Variants in LOXL3 observed in about 807,000 individuals in gnomAD.
The protein encoded by LOXL3 is lysyl oxidase like 3, also known as lysyl oxidase homolog 3.
A neutral mutation model predicts 91.8 loss-of-function variants in LOXL3; 60 were observed. The ratio of observed to expected loss-of-function variants is 0.65; its 90% CI spans 0.53 to 0.81. The LOEUF is 0.81. LOXL3 is among the 30% of genes least tolerant of loss of function. The probability of loss-of-function intolerance (pLI) is 0.00; values close to 1 mark genes in which losing one functional copy is unlikely to be tolerated. For missense variants in LOXL3, 874 were observed against 1,000.4 expected (o/e 0.87, Z 1.70); for synonymous variants, 355 against 387.6 (o/e 0.92, Z 0.99).
rs1374857532 is a variant in LOXL3 at position 74,533,052 on chromosome 2, G to A, written c.*554C>T. 6.6e-7 allele frequency: 1 copy of A among 1,519,922 alleles called. No homozygotes were observed. The highest frequency in any genetic ancestry group is 1.4e-5 in the African/African-American group (1 of 72,974). 94.2% of individuals were successfully genotyped at this position (1,519,922 alleles called of 1,614,324 possible). ...CTTGCCTTTCTGGCTGAGGTTCTGA[G>A]GGCACCGAGACAGAGGGTTAAATGA... On this transcript the variant is annotated 3_prime_UTR_variant, in exon 14 of 14. Transcript: ENST00000264094.
Position 74,536,584 on chromosome 2 carries a change from C to T in LOXL3, c.913-113G>A, listed in dbSNP as rs1401554308. ...TGGAAGGGAGTGGGTGGTATCAGGTCTGTGGCCCACCCCCTGGAAGGCTCC... is the reference window on the plus strand; with the variant it reads ...TGGAAGGGAGTGGGTGGTATCAGGTTTGTGGCCCACCCCCTGGAAGGCTCC... On this transcript the variant is annotated intron_variant, in intron 5 of 13. Transcript: ENST00000264094. The surrounding 1 kb of genome is among the most constrained non-coding windows in gnomAD (Gnocchi z 4.5). 4 of 1,438,338 alleles carry T rather than the reference C, an allele frequency of 2.8e-6. No homozygotes were observed. The East Asian group carries it at 9.3e-5, about 34-fold the overall frequency. 89.1% of individuals were successfully genotyped at this position (1,438,338 alleles called of 1,614,324 possible).
chr2:74,555,102 C>A, upstream of LOXL3: 1 of 1,559,958 alleles, frequency 6.4e-7, no homozygotes, highest in Non-Finnish European at 8.7e-7. The surrounding 1 kb of genome is among the most constrained non-coding windows in gnomAD (Gnocchi z 6.1). Context: ...CGTCGGGACC[C>A]GGGCCGCCTG....
Position 74,550,520 on chromosome 2 carries a change from G to A in LOXL3, c.314-172C>T, listed in dbSNP as rs537647190. ...AGGGGACCCTGGCAGGGAATAGGAA[G>A]GGGGCATAAGATTGAGGGAAAATTG... On this transcript the variant is annotated intron_variant, in intron 2 of 13. Transcript: ENST00000264094. 3.9e-5 allele frequency among the ~76,000 whole-genome samples: 6 copies of A among 152,246 alleles called. No individual in the cohort carries two copies. In the South Asian group the frequency reaches 1.0e-3, roughly 26 times the overall value.
At chr2:74,554,404 C>A (rs1052365160), upstream of LOXL3, 1 of 295,768 alleles carries the variant, frequency 3.4e-6, no homozygotes, top group Non-Finnish European at 6.3e-6. This position sits in a 1 kb window ranked among gnomAD's most constrained non-coding sequence, Gnocchi z 4.9. Flanking sequence ...GCCCGGGGCG[C>A]TTTCGGGGTG....
chr2:74,554,766 A>T, upstream of LOXL3: 1 of 1,612,968 alleles, frequency 6.2e-7, no homozygotes, highest in Non-Finnish European at 8.5e-7. This position sits in a 1 kb window ranked among gnomAD's most constrained non-coding sequence, Gnocchi z 4.9. Flanking sequence ...TGGACGGAGC[A>T]GTGATGGAAG....
chr2:74,555,356 C>T (rs759396415), upstream of LOXL3: 3 of 1,613,814 alleles, frequency 1.9e-6, no homozygotes, highest in Non-Finnish European at 2.5e-6. This position sits in a 1 kb window ranked among gnomAD's most constrained non-coding sequence, Gnocchi z 6.1. Flanking sequence ...GGCGCCACTG[C>T]CTTCCGCCTG....
rs772009677 is a variant in LOXL3, at chr2:74,535,718, C to T, written c.1286G>A (p.Arg429Gln). ...AGGTCCCCCTATTTGCACCTCGACTCGCCCCTCATGTTGGCTGCGGCCCCC... is the reference window on the plus strand; with the variant it reads ...AGGTCCCCCTATTTGCACCTCGACTTGCCCCTCATGTTGGCTGCGGCCCCC... ...LSGGRSQHEGRVEVQIGGPGP... is the reference protein window; with the variant it reads ...LSGGRSQHEGQVEVQIGGPGP... Residue 429 changes from arginine (R) to glutamine (Q), a missense_variant, in exon 8 of 14, where the codon CGA becomes CAA. Coordinates refer to ENST00000264094, the MANE Select transcript of LOXL3 (RefSeq NM_032603.5). This position sits in a 1 kb window ranked among gnomAD's most constrained non-coding sequence, Gnocchi z 4.2. 5 of 1,597,166 alleles carry T rather than the reference C, an allele frequency of 3.1e-6. No individual in the cohort carries two copies. The highest frequency in any genetic ancestry group is 4.3e-6 in the Non-Finnish European group (5 of 1,174,268).
chr2:74,552,560 C>T lies in LOXL3; in HGVS notation c.75G>A (p.Gly25=), dbSNP rs148653697. ...CAGGGCCCGTGGAAGGGGACGGAGA[C>T]CCCAAGCACGAACTGCACAGCAGGC... ...LLCLLCSSCL[G]SPSPSTGPEK... Residue 25 remains glycine (G), a synonymous_variant, in exon 2 of 14, where the codon GGG becomes GGA. Transcript: ENST00000264094. 33 of 1,611,222 alleles carry T rather than the reference C, an allele frequency of 2.0e-5. No individual in the cohort carries two copies. In the African/African-American group the frequency reaches 3.7e-4, roughly 18 times the overall value.
chr2:74,552,405 T>C lies in LOXL3; in HGVS notation c.230A>G (p.Gln77Arg). 1 of 1,613,646 alleles carries C rather than the reference T, an allele frequency of 6.2e-7. No homozygotes were observed. Among genetic ancestry groups the C allele is most frequent in the Non-Finnish European group, 8.5e-7 (1 of 1,179,632 alleles). The stretch of plus-strand genomic sequence containing the variant: ...CTCCCGGCAGAGGATGTGGGCAGCC[T>C]GCAGCGTGAAGTCATCATCGCAGAT... ...GTICDDDFTL[Q>R]AAHILCRELG... The change falls in exon 2 of 14, where the codon CAG becomes CGG. Residue 77 changes from glutamine (Q) to arginine (R), a missense_variant. Physicochemically the swap from Gln to Arg is conservative, Grantham distance 43. Transcript: ENST00000264094.
rs888776010 is a variant in LOXL3 at position 74,532,420 on chromosome 2, C to T, written c.*1186G>A. 5 of 619,854 alleles carry T rather than the reference C, an allele frequency of 8.1e-6. No homozygotes were observed. The highest frequency in any genetic ancestry group is 8.9e-6 in the Non-Finnish European group (3 of 337,148). The allele number at this position is 619,854 out of a possible 1,614,324, so 38.4% of individuals were successfully genotyped here. On this transcript the variant is annotated 3_prime_UTR_variant, in exon 14 of 14. Transcript: ENST00000264094. ...TTTAACACTGTTTGTCATTTGGTGC[C>T]CTCATGTGGTGTACATCTTTTATGT...
At chr2:74,544,032 G>A (rs946623579) in intron 4 of LOXL3, among the ~76,000 whole-genome samples, 3 of 151,830 alleles carry the variant, frequency 2.0e-5, no homozygotes, top group South Asian at 2.1e-4. Flanking sequence ...GGCCGGGCAC[G>A]GTGGCTCAAG....
intron 1 of LOXL3, among the ~76,000 whole-genome samples, chr2:74,553,280 C>T (rs149557353): frequency 0.014 from 2,062 of 152,254 alleles, 27 homozygotes; most frequent in Non-Finnish European, 0.022. Flanking sequence ...AGAGTCCTAA[C>T]CCAGCAGATT....
At chr2:74,533,770 CTG>C (rs1675803122) in intron 13 of LOXL3, 91 bp from the exon 14 acceptor site, 2 of 1,444,032 alleles carry the variant, frequency 1.4e-6, no homozygotes, top group African/African-American at 2.8e-5. Flanking sequence ...AGTGGAGGGA[CTG>C]AGAGCTCTAC....
intron 4 of LOXL3, among the ~76,000 whole-genome samples, chr2:74,538,184 A>C (rs1308001710): frequency 6.6e-6 from 1 of 152,192 alleles, no homozygotes; most frequent in Non-Finnish European, 1.5e-5. Context: ...AAATACATCT[A>C]TCTTCTAAAC....
Position 74,536,890 on chromosome 2 carries a change from T to G in LOXL3, c.731A>C (p.His244Pro). The G allele has an allele frequency of 1.9e-6, 3 of 1,614,190 alleles. No homozygotes were observed. Among genetic ancestry groups the G allele is most frequent in the Non-Finnish European group, 2.5e-6 (3 of 1,180,042 alleles). ...AQRQQHSFGL[H>P]GVACVGTEAH... ...CTCCGTGCCCACGCACGCCACCCCA[T>G]GCAGACCAAAGGAGTGTTGCTGCCG... is the stretch of plus-strand genomic sequence containing the variant. Residue 244 changes from histidine to proline, a missense_variant, in exon 5 of 14, where the codon CAT becomes CCT. His to Pro is a moderately conservative substitution (Grantham distance 77). Transcript: ENST00000264094. The surrounding 1 kb of genome is among the most constrained non-coding windows in gnomAD (Gnocchi z 4.5).
At chr2:74,539,737 A>G (rs541758171) in intron 4 of LOXL3, 11 of 152,740 alleles carry the variant, frequency 7.2e-5, no homozygotes, top group Non-Finnish European at 1.2e-4. Flanking sequence ...CCATCCATCC[A>G]TCCACCTCCT....
At chr2:74,543,900 CAAAAAAAAAAAAAAAAAAA>C (rs960168777) in intron 4 of LOXL3, among the ~76,000 whole-genome samples, 12 of 65,166 alleles carry the variant, frequency 1.8e-4, no homozygotes, top group Admixed American at 3.0e-4. Context: ...GGCTCTGTCT[CAAAAAAAAAAAAAAAAAAA>C]AAAAGAAAAG....
At chr2:74,534,014 A>G (rs1165588477) in intron 12 of LOXL3, 21 bp from the exon 13 acceptor site, 1 of 1,612,334 alleles carries the variant, frequency 6.2e-7, no homozygotes, top group Non-Finnish European at 8.5e-7. Flanking sequence ...GAAAAAGGCC[A>G]CTTAACCCAG....
chr2:74,550,998 TCTC>T (rs1310432910), intron 2 of LOXL3, among the ~76,000 whole-genome samples: 5 of 151,702 alleles, frequency 3.3e-5, no homozygotes, highest in African/African-American at 1.2e-4. Context: ...AGTGGCATGA[TCTC>T]AGCTCACTGC....
Sources: gnomAD v4.1 joint callset for allele counts (sites outside exome capture counted in the v4.1 genomes callset) on GRCh38, gnomAD v4.1.1 for gene constraint, Gnocchi (gnomAD v3.1) non-coding constraint, MANE v1.5 for transcripts, NCBI Gene and HGNC (gene_info 2026-07-23, HGNC 2026-07-21) for gene names.